NOD1: variants seen among roughly 807,000 people sequenced by gnomAD.
NOD1 encodes the protein nucleotide binding oligomerization domain containing 1, also known as nucleotide-binding oligomerization domain-containing protein 1.
Under a neutral mutation model 81.2 loss-of-function variants are expected in NOD1, and 70 were observed. The ratio of observed to expected loss-of-function variants is 0.86; its 90% confidence interval spans 0.71 to 1.05. The LOEUF (loss-of-function observed/expected upper bound fraction) is 1.05, where lower values mean the gene tolerates loss of function less well. Ranked by LOEUF, NOD1 falls within the 50% of genes least tolerant of loss-of-function variation. The probability of loss-of-function intolerance (pLI) is 0.00; values close to 1 mark genes in which losing one functional copy is unlikely to be tolerated. For synonymous variants in NOD1, 508 were observed against 526.9 expected (o/e 0.96, Z 0.49); for missense variants, 1,233 against 1,228.0 (o/e 1.00, Z -0.06).
intron 1 of NOD1, among the ~76,000 whole-genome samples, chr7:30,475,142 T>A (rs929172863): frequency 2.0e-5 from 3 of 152,218 alleles, no homozygotes; most frequent in African/African-American, 7.2e-5. Flanking sequence ...AAGTAAATCA[T>A]CATCTGCTCT....
intron 5 of NOD1, 40 bp from the exon 6 acceptor site, chr7:30,453,080 G>A: frequency 6.4e-7 from 1 of 1,562,352 alleles, no homozygotes; most frequent in Non-Finnish European, 8.7e-7. Context: ...GCAGGGTGAG[G>A]AGAGAGGCAG....
chr7:30,437,649 C>A lies in NOD1; in HGVS notation c.2461G>T (p.Gly821Cys), dbSNP rs1273063336. ...SKSISEVGMWGNQVGDEGAKA... is the reference protein window; with the variant it reads ...SKSISEVGMWCNQVGDEGAKA... Reference sequence around the variant, plus strand: ...GCTCCTTCATCCCCAACTTGATTGCCCCACATCCTGAGGGAGGAGACAAGA... The same window carrying A: ...GCTCCTTCATCCCCAACTTGATTGCACCACATCCTGAGGGAGGAGACAAGA... The change falls in exon 10 of 14, where the codon GGC becomes TGC. Residue 821 changes from glycine to cysteine, a missense_variant. Transcript: ENST00000222823. The A allele has an allele frequency of 1.3e-6, 2 of 1,516,438 alleles. No homozygotes were observed. The highest frequency in any genetic ancestry group is 8.7e-7 in the Non-Finnish European group (1 of 1,143,100). The allele number at this position is 1,516,438 out of a possible 1,614,324, so 93.9% of individuals were successfully genotyped here. A position where few individuals can be genotyped will look rare whatever the true frequency, so the allele number is the denominator to read the frequency against.
At chr7:30,448,892 C>T (rs1785397044) in intron 6 of NOD1, among the ~76,000 whole-genome samples, 1 of 152,166 alleles carries the variant, frequency 6.6e-6, no homozygotes, top group South Asian at 2.1e-4. Flanking sequence ...CAACAGCTTC[C>T]CCCCATCCAG....
chr7:30,471,191 G>A (rs1788244660), intron 1 of NOD1, among the ~76,000 whole-genome samples: 1 of 152,176 alleles, frequency 6.6e-6, no homozygotes, highest in Non-Finnish European at 1.5e-5. Context: ...AGAGTACCCA[G>A]GGATTTATGT....
Position 30,436,055 on chromosome 7 carries a change from T to C in NOD1, c.2564A>G (p.Glu855Gly), listed in dbSNP as rs1784352130. Reference sequence around the variant, plus strand: ...GGCCCTCGCAAGGCTCTTTCCTCCTTCTGTGGAGATGCCGTTGGACGCAAG... The same window carrying C: ...GGCCCTCGCAAGGCTCTTTCCTCCTCCTGTGGAGATGCCGTTGGACGCAAG... ...LSLASNGIST[E>G]GGKSLARALQ... Residue 855 changes from glutamate to glycine, a missense_variant, in exon 11 of 14, where the codon GAA (glutamate) becomes GGA (glycine). Transcript: ENST00000222823. 3 of 1,613,986 alleles carry C rather than the reference T, an allele frequency of 1.9e-6. No individual in the cohort carries two copies. Among genetic ancestry groups the C allele is most frequent in the African/African-American group, 2.7e-5 (2 of 74,914 alleles).
intron 4 of NOD1, among the ~76,000 whole-genome samples, chr7:30,456,159 C>A (rs1044003048): frequency 6.6e-6 from 1 of 152,242 alleles, no homozygotes; most frequent in African/African-American, 2.4e-5. Context: ...GGGGTCATGT[C>A]ATAAATGAGT....
intron 13 of NOD1, among the ~76,000 whole-genome samples, chr7:30,429,000 C>A (rs1336976557): frequency 6.6e-6 from 1 of 152,234 alleles, no homozygotes; most frequent in Non-Finnish European, 1.5e-5. Flanking sequence ...GAGCTCCAAA[C>A]TCCTGGCCAA....
chr7:30,449,920 C>T (rs747189896), intron 6 of NOD1, among the ~76,000 whole-genome samples: 19 of 152,108 alleles, frequency 1.2e-4, no homozygotes, highest in Non-Finnish European at 1.9e-4. Context: ...GGGTCGGGTG[C>T]GGCGGCTCAT....
chr7:30,468,170 C>A (rs1787904515), intron 1 of NOD1, among the ~76,000 whole-genome samples: 1 of 152,190 alleles, frequency 6.6e-6, no homozygotes, highest in Non-Finnish European at 1.5e-5. Flanking sequence ...CCCAGAGCCA[C>A]AAGAAATACC....
chr7:30,445,179 T>A (rs1425462285), intron 9 of NOD1, among the ~76,000 whole-genome samples: 3 of 87,820 alleles, frequency 3.4e-5, no homozygotes, highest in Non-Finnish European at 6.1e-5. Context: ...CATTAGTGGG[T>A]GCAGCGCACC....
rs749525016 is a variant in NOD1 at position 30,455,239 on chromosome 7, G to C, written c.274C>G (p.Gln92Glu). ...VSEFFLYLLQ[Q>E]LADAYVDLRP... The stretch of plus-strand genomic sequence containing the variant: ...AGGTCCACGTAGGCATCTGCGAGTT[G>C]CTGGAGCAAGTAGAGGAAGAACTCG... The change falls in exon 5 of 14, where the codon CAA becomes GAA. Residue 92 changes from glutamine to glutamate, a missense_variant. Physicochemically the swap from Gln to Glu is conservative, Grantham distance 29 (BLOSUM62 2). Coordinates refer to ENST00000222823, the MANE Select transcript of NOD1 (RefSeq NM_006092.4). The C allele has an allele frequency of 2.5e-6, 4 of 1,614,056 alleles. No individual in the cohort carries two copies. In the South Asian group the frequency reaches 3.3e-5, roughly 13 times the overall value.
rs200499912 is a variant in NOD1, at chr7:30,455,354, G to A, written c.202-43C>T. On this transcript the variant is annotated intron_variant, in intron 4 of 13. Coordinates refer to ENST00000222823, the MANE Select transcript of NOD1 (RefSeq NM_006092.4). The stretch of plus-strand genomic sequence containing the variant: ...ATGAGGGCACGGGCTGGCATGAGGG[G>A]CATCCTCCTACCATAAGGACCCTCA... The A allele has an allele frequency of 8.3e-5, 129 of 1,546,760 alleles. No individual in the cohort carries two copies. In the African/African-American group the frequency reaches 8.9e-4, roughly 11 times the overall value.
At position 30,452,791 on chromosome 7, in the gene NOD1, G is replaced by T. The variant is rs1785928278; in HGVS notation, c.626C>A (p.Ser209Tyr). Residue 209 changes from serine to tyrosine, a missense_variant, in exon 6 of 14, where the codon TCC becomes TAC. Transcript: ENST00000222823. ...GCTCTGCAGCCGCTGTAGCAGCATG[G>T]ACTTGCCCACCCCAGCATCACCCAG... The part of the protein sequence containing the change: ...FILGDAGVGK[S>Y]MLLQRLQSLW... 6.2e-7 allele frequency: 1 copy of T among 1,614,026 alleles called. No homozygotes were observed. The highest frequency in any genetic ancestry group is 1.1e-5 in the South Asian group (1 of 91,092).
intron 1 of NOD1, among the ~76,000 whole-genome samples, chr7:30,477,704 T>G (rs374038352): frequency 1.4e-5 from 2 of 143,842 alleles, no homozygotes; most frequent in Admixed American, 1.4e-4. Context: ...TTTTTTTTAG[T>G]AGAGACGGTT....
chr7:30,435,315 G>T (rs1311284809), intron 11 of NOD1, among the ~76,000 whole-genome samples: 3 of 152,096 alleles, frequency 2.0e-5, no homozygotes, highest in Admixed American at 2.0e-4. Context: ...GAGGCTGCCT[G>T]GGGGAAGGCA....
chr7:30,446,167 C>A lies in NOD1; in HGVS notation c.2427G>T (p.Lys809Asn), dbSNP rs1300449863. 3 of 1,613,642 alleles carry A rather than the reference C, an allele frequency of 1.9e-6. No individual in the cohort carries two copies. The highest frequency in any genetic ancestry group is 1.3e-5 in the African/African-American group (1 of 74,910). ...EGGKYLALAV[K>N]NSKSISEVGM... ...CAACCTCAGAGATTGATTTGCTGTT[C>A]TTCACAGCCAGGGCGAGATACTTCC... The change falls in exon 9 of 14, where the codon AAG becomes AAT. Residue 809 changes from lysine to asparagine, a missense_variant. By Grantham distance (94) the Lys-to-Asn change is moderately conservative (BLOSUM62 0). Transcript: ENST00000222823.
At chr7:30,472,661 G>C (rs1386156544) in intron 1 of NOD1, among the ~76,000 whole-genome samples, 1 of 152,208 alleles carries the variant, frequency 6.6e-6, no homozygotes, top group Non-Finnish European at 1.5e-5. Context: ...GAGGTCGTGG[G>C]GGTGGAGCCC....
chr7:30,448,206 G>T, intron 7 of NOD1, 92 bp downstream of exon 7: 1 of 1,073,386 alleles, frequency 9.3e-7, no homozygotes, highest in Non-Finnish European at 1.4e-6. Context: ...GGCCATCCGT[G>T]CCGATCATCC....
chr7:30,438,228 G>A (rs991771328), intron 9 of NOD1, among the ~76,000 whole-genome samples: 3 of 152,222 alleles, frequency 2.0e-5, no homozygotes, highest in Admixed American at 2.0e-4. Flanking sequence ...GTGGACAGGT[G>A]CGGCGATAAA....
Sources: allele counts gnomAD v4.1 joint callset (sites outside exome capture counted in the v4.1 genomes callset), GRCh38; gene constraint gnomAD v4.1.1; transcripts MANE v1.5; gene names NCBI Gene and HGNC (gene_info 2026-07-23, HGNC 2026-07-21).